Variants in BANK1 observed in about 807,000 individuals in gnomAD.
BANK1 encodes the protein B cell scaffold protein with ankyrin repeats 1, also known as B-cell scaffold protein with ankyrin repeats.
A neutral mutation model predicts 94.5 loss-of-function variants in BANK1; 95 were observed. The observed-to-expected ratio is 1.00, with a 90% CI of 0.85 to 1.19. The LOEUF (loss-of-function observed/expected upper bound fraction) is 1.19, where lower values mean the gene tolerates loss of function less well. Among genes scored for constraint, BANK1 ranks in the 50% most tolerant of loss-of-function variants. The pLI is 0.00. For synonymous variants in BANK1, 334 were observed against 308.4 expected (o/e 1.08, Z -0.87); for missense variants, 987 against 932.2 (o/e 1.06, Z -0.77).
intron 6 of BANK1, among the ~76,000 whole-genome samples, chr4:101,912,816 C>T (rs1034158649): frequency 6.6e-6 from 1 of 151,774 alleles, no homozygotes; most frequent in African/African-American, 2.4e-5. Context: ...AAAAGATTTC[C>T]TAGATTTACT....
chr4:101,817,223 C>G (rs1329235221), intron 1 of BANK1, among the ~76,000 whole-genome samples: 1 of 152,048 alleles, frequency 6.6e-6, no homozygotes. Context: ...AAGACACATG[C>G]ATATTTTATG....
At chr4:101,870,197 G>C (rs1482913416) in intron 4 of BANK1, among the ~76,000 whole-genome samples, 2 of 151,908 alleles carry the variant, frequency 1.3e-5, no homozygotes, top group African/African-American at 4.8e-5. Flanking sequence ...ATTATGTAAA[G>C]ATTATAGATT....
intron 13 of BANK1, among the ~76,000 whole-genome samples, chr4:102,070,104 A>C (rs1360207458): frequency 6.6e-6 from 1 of 152,216 alleles, no homozygotes; most frequent in Non-Finnish European, 1.5e-5. Context: ...AAAGAGACTG[A>C]GGCAAGTTTC....
chr4:102,043,969 A>G (rs1341229911), intron 11 of BANK1, 62 bp downstream of exon 11: 1 of 991,626 alleles, frequency 1.0e-6, no homozygotes, highest in Non-Finnish European at 1.6e-6. Context: ...AAATCTTATG[A>G]ATACAGAGTA....
At chr4:101,996,472 A>G (rs188276256) in intron 7 of BANK1, among the ~76,000 whole-genome samples, 7 of 152,106 alleles carry the variant, frequency 4.6e-5, no homozygotes, top group Non-Finnish European at 8.8e-5. Context: ...AAGAAAGTCA[A>G]TGGTAGCTTG....
chr4:102,035,796 A>T (rs1485402592), intron 10 of BANK1, among the ~76,000 whole-genome samples: 1 of 152,168 alleles, frequency 6.6e-6, no homozygotes, highest in Non-Finnish European at 1.5e-5. Flanking sequence ...AATTTTTTGA[A>T]GTCTACCTGT....
At chr4:101,996,585 G>A (rs894599388) in intron 7 of BANK1, among the ~76,000 whole-genome samples, 12 of 152,114 alleles carry the variant, frequency 7.9e-5, no homozygotes, top group African/African-American at 2.9e-4. Flanking sequence ...CCATTTGTTT[G>A]TGTGCTCCCT....
intron 7 of BANK1, among the ~76,000 whole-genome samples, chr4:101,985,488 A>G (rs1241513513): frequency 6.6e-6 from 1 of 152,146 alleles, no homozygotes; most frequent in Non-Finnish European, 1.5e-5. Context: ...AAAATTTATT[A>G]CTACTTAATA....
At chr4:101,915,574 A>AT (rs1434493770) in intron 6 of BANK1, among the ~76,000 whole-genome samples, 2 of 152,072 alleles carry the variant, frequency 1.3e-5, no homozygotes, top group African/African-American at 4.8e-5. Context: ...GTAAATTCTA[A>AT]TTTTTTCTCT....
chr4:102,003,864 A>G (rs1726158030), intron 7 of BANK1, among the ~76,000 whole-genome samples: 1 of 151,460 alleles, frequency 6.6e-6, no homozygotes, highest in African/African-American at 2.4e-5. Context: ...ATATTTAAAT[A>G]TATTTCATGT....
At chr4:101,859,842 C>G (rs1441078373) in intron 3 of BANK1, among the ~76,000 whole-genome samples, 1 of 151,842 alleles carries the variant, frequency 6.6e-6, no homozygotes, top group Non-Finnish European at 1.5e-5. Flanking sequence ...ATAAAAACAC[C>G]CTTAGGATGT....
At chr4:102,051,967 A>T (rs1256783165) in intron 11 of BANK1, among the ~76,000 whole-genome samples, 1 of 152,146 alleles carries the variant, frequency 6.6e-6, no homozygotes, top group Non-Finnish European at 1.5e-5. Flanking sequence ...AAACCTGCTA[A>T]ATCCTGGGAT....
chr4:101,980,329 T>G (rs1725285918), intron 7 of BANK1, among the ~76,000 whole-genome samples: 1 of 151,896 alleles, frequency 6.6e-6, no homozygotes, highest in Non-Finnish European at 1.5e-5. Flanking sequence ...TTGGATTTTA[T>G]TTTTTTCCTG....
intron 11 of BANK1, among the ~76,000 whole-genome samples, chr4:102,047,646 G>T (rs771113737): frequency 2.0e-5 from 3 of 152,066 alleles, no homozygotes; most frequent in Non-Finnish European, 4.4e-5. Flanking sequence ...AAAAATCCCT[G>T]AAGTGTTTTT....
intron 7 of BANK1, among the ~76,000 whole-genome samples, chr4:101,983,672 G>A (rs554277315): frequency 6.0e-4 from 92 of 152,072 alleles, no homozygotes; most frequent in African/African-American, 2.0e-3. Context: ...GAAACAAATG[G>A]ACCTGATTAA....
intron 1 of BANK1, among the ~76,000 whole-genome samples, chr4:101,807,959 C>A (rs1230376169): frequency 6.6e-6 from 1 of 151,864 alleles, no homozygotes; most frequent in East Asian, 1.9e-4. Flanking sequence ...GTGGCGCACA[C>A]CTGTAGTCCC....
chr4:101,938,806 A>G (rs1723654485), intron 7 of BANK1, among the ~76,000 whole-genome samples: 1 of 151,632 alleles, frequency 6.6e-6, no homozygotes, highest in Admixed American at 6.6e-5. Flanking sequence ...TCATATCCCC[A>G]TATTTTATAA....
intron 4 of BANK1, among the ~76,000 whole-genome samples, chr4:101,863,028 C>T (rs1282744042): frequency 6.6e-6 from 1 of 151,856 alleles, no homozygotes; most frequent in Non-Finnish European, 1.5e-5. Flanking sequence ...TTAATAAACT[C>T]TATTTTTTTC....
At chr4:102,049,942 A>G (rs1359892282) in intron 11 of BANK1, among the ~76,000 whole-genome samples, 3 of 152,226 alleles carry the variant, frequency 2.0e-5, no homozygotes, top group Non-Finnish European at 4.4e-5. Flanking sequence ...CATACTGCAC[A>G]TGGGCTCCTC....
Sources: gnomAD v4.1 joint callset for allele counts (sites outside exome capture counted in the v4.1 genomes callset) on GRCh38, gnomAD v4.1.1 for gene constraint, MANE v1.5 for transcripts, NCBI Gene and HGNC (gene_info 2026-07-23, HGNC 2026-07-21) for gene names.